The following TRABD2B variants were observed in gnomAD, a reference collection of about 807,000 sequenced individuals.
The protein encoded by TRABD2B is metalloprotease TIKI2.
In TRABD2B, 14 loss-of-function variants were observed where a neutral mutation model predicts 40.1. That is an observed-to-expected ratio of 0.35 (90% confidence interval 0.23 to 0.55). TRABD2B has a LOEUF of 0.55. TRABD2B is among the 20% of genes least tolerant of loss of function. The pLI is 0.90. For missense variants in TRABD2B, 541 were observed against 648.6 expected, an observed-to-expected ratio of 0.83 and a Z score of 1.80; for synonymous variants, 263 against 277.0, an observed-to-expected ratio of 0.95 and a Z score of 0.50.
chr1:47,779,340 G>A (rs1644489469), intron 4 of TRABD2B, among the ~76,000 whole-genome samples: 1 of 152,044 alleles, frequency 6.6e-6, no homozygotes, highest in African/African-American at 2.4e-5. Context: ...CCCTCCAGAG[G>A]TGTGTGTGGG....
intron 6 of TRABD2B, among the ~76,000 whole-genome samples, chr1:47,767,577 C>A (rs992008402): frequency 6.6e-6 from 1 of 152,200 alleles, no homozygotes. Context: ...AGGCACAAAG[C>A]GGTTAAGTGG....
chr1:47,964,581 C>T (rs2148411221), intron 2 of TRABD2B, among the ~76,000 whole-genome samples: 1 of 152,276 alleles, frequency 6.6e-6, no homozygotes, highest in East Asian at 1.9e-4. Context: ...AAAAAGATGA[C>T]AGAGTTTGAG....
At chr1:47,890,691 T>C (rs1206960130) in intron 2 of TRABD2B, among the ~76,000 whole-genome samples, 1 of 152,200 alleles carries the variant, frequency 6.6e-6, no homozygotes, top group African/African-American at 2.4e-5. Flanking sequence ...CTAGGAGCCT[T>C]TGAGAATCTC....
At chr1:47,844,707 T>C (rs1645444914) in intron 2 of TRABD2B, among the ~76,000 whole-genome samples, 1 of 152,188 alleles carries the variant, frequency 6.6e-6, no homozygotes, top group African/African-American at 2.4e-5. Flanking sequence ...CAGGAACATC[T>C]GTTGGGCCTA....
chr1:47,961,420 C>T (rs187501638), intron 2 of TRABD2B, among the ~76,000 whole-genome samples: 11 of 152,200 alleles, frequency 7.2e-5, no homozygotes, highest in African/African-American at 2.4e-4. Context: ...CCAGAGTGAA[C>T]AGGCAACCTA....
At chr1:47,885,312 G>C (rs1188098986) in intron 2 of TRABD2B, among the ~76,000 whole-genome samples, 2 of 152,136 alleles carry the variant, frequency 1.3e-5, no homozygotes, top group Non-Finnish European at 2.9e-5. Context: ...CTGACTCCCA[G>C]GCCAGGCTAG....
At chr1:47,969,072 T>A (rs1225778148) in intron 2 of TRABD2B, among the ~76,000 whole-genome samples, 1 of 152,200 alleles carries the variant, frequency 6.6e-6, no homozygotes, top group Non-Finnish European at 1.5e-5. Flanking sequence ...AGCCTCAGAA[T>A]CATTCTCAAC....
At chr1:47,931,035 T>TG (rs1230684216) in intron 2 of TRABD2B, among the ~76,000 whole-genome samples, 2 of 152,246 alleles carry the variant, frequency 1.3e-5, no homozygotes, top group Non-Finnish European at 2.9e-5. Context: ...CACCAGAATA[T>TG]GGGCTCTGTG....
At chr1:47,896,448 G>T (rs1054488887) in intron 2 of TRABD2B, among the ~76,000 whole-genome samples, 1 of 152,180 alleles carries the variant, frequency 6.6e-6, no homozygotes, top group Admixed American at 6.5e-5. Context: ...TCCAGCCTGG[G>T]TCCAAATGCC....
chr1:47,896,771 A>G (rs923121218), intron 2 of TRABD2B, among the ~76,000 whole-genome samples: 1 of 151,944 alleles, frequency 6.6e-6, no homozygotes, highest in East Asian at 1.9e-4. Context: ...TGGGCAAGAA[A>G]CTCCAACTCC....
intron 2 of TRABD2B, among the ~76,000 whole-genome samples, chr1:47,883,962 G>A (rs550741863): frequency 1.5e-4 from 23 of 152,358 alleles, no homozygotes; most frequent in Non-Finnish European, 2.6e-4. Flanking sequence ...GCTGAGCCTG[G>A]TGTCTTGGAA....
intron 2 of TRABD2B, among the ~76,000 whole-genome samples, chr1:47,900,441 T>G (rs925397058): frequency 1.3e-5 from 2 of 152,176 alleles, no homozygotes; most frequent in Non-Finnish European, 2.9e-5. Flanking sequence ...ACTTTACCTG[T>G]AGGTTGTATA....
chr1:47,925,339 AAAG>A (rs1644955589), intron 2 of TRABD2B, among the ~76,000 whole-genome samples: 1 of 152,262 alleles, frequency 6.6e-6, no homozygotes, highest in Non-Finnish European at 1.5e-5. Flanking sequence ...TAAATTGAAA[AAAG>A]AAAGCAAAGA....
intron 2 of TRABD2B, among the ~76,000 whole-genome samples, chr1:47,841,324 C>G (rs1198709630): frequency 6.6e-6 from 1 of 152,170 alleles, no homozygotes; most frequent in East Asian, 1.9e-4. Context: ...TTTCCCCAAC[C>G]CAACACACAT....
intron 2 of TRABD2B, among the ~76,000 whole-genome samples, chr1:47,901,309 C>T (rs185771844): frequency 1.2e-4 from 19 of 152,334 alleles, no homozygotes. Context: ...ATTATCTTCT[C>T]TGCAGCAATC....
intron 2 of TRABD2B, among the ~76,000 whole-genome samples, chr1:47,947,620 T>C (rs973812052): frequency 2.0e-5 from 3 of 151,986 alleles, no homozygotes; most frequent in African/African-American, 7.2e-5. Flanking sequence ...GGGCGTCAAT[T>C]GAGTTAAAAA....
At chr1:47,912,399 T>A (rs1644774644) in intron 2 of TRABD2B, among the ~76,000 whole-genome samples, 1 of 152,206 alleles carries the variant, frequency 6.6e-6, no homozygotes, top group Non-Finnish European at 1.5e-5. Context: ...TTTTTAAATT[T>A]TTTTCCTTTC....
chr1:47,768,573 A>G (rs992614708), intron 6 of TRABD2B, among the ~76,000 whole-genome samples: 10 of 152,082 alleles, frequency 6.6e-5, no homozygotes, highest in Non-Finnish European at 1.0e-4. Flanking sequence ...CCATCCCTCA[A>G]TGCCACTTGG....
rs563641168 is a variant in TRABD2B, at chr1:47,842,445, C to T, written c.667-40826G>A. Among the ~76,000 whole-genome samples the T allele has an allele frequency of 3.3e-5, 5 of 152,296 alleles. No homozygotes were observed. The East Asian group carries it at 9.7e-4, about 30-fold the overall frequency. On this transcript the variant is annotated intron_variant, in intron 2 of 6. Coordinates refer to ENST00000606738, the MANE Select transcript of TRABD2B (RefSeq NM_001194986.2). ...GCCTGGTCCCTGCTGGGGCTATACC[C>T]TCCCAGGGGGGAGGATACTGGTCCT...
Sources: allele counts gnomAD v4.1 joint callset (sites outside exome capture counted in the v4.1 genomes callset), GRCh38; gene constraint gnomAD v4.1.1; transcripts MANE v1.5; gene names NCBI Gene and HGNC (gene_info 2026-07-23, HGNC 2026-07-21).